The following MMP26 variants were observed in gnomAD, a reference collection of about 807,000 sequenced individuals.
MMP26 encodes matrix metallopeptidase 26.
Under a neutral mutation model 31.0 loss-of-function variants are expected in MMP26, and 33 were observed. The observed-to-expected ratio is 1.06, with a 90% CI of 0.81 to 1.42. The LOEUF (loss-of-function observed/expected upper bound fraction) is 1.42. Among genes scored for constraint, MMP26 ranks in the 40% most tolerant of loss-of-function variants. The pLI is 0.00. For synonymous variants in MMP26, 122 were observed against 114.9 expected (o/e 1.06, Z -0.40); for missense variants, 347 against 316.1 (o/e 1.10, Z -0.74).
chr11:4,826,231 C>T (rs527840053), intron 2 of MMP26, among the ~76,000 whole-genome samples: 4 of 152,030 alleles, frequency 2.6e-5, no homozygotes, highest in African/African-American at 7.2e-5. Flanking sequence ...GATTATTGGG[C>T]GTTGCTGTAC....
intron 2 of MMP26, among the ~76,000 whole-genome samples, chr11:4,974,733 A>AT (rs1846713025): frequency 6.6e-6 from 1 of 152,056 alleles, no homozygotes; most frequent in Admixed American, 6.5e-5. Flanking sequence ...CCTAGGAAGG[A>AT]TTTTTATGTG....
chr11:4,988,590 T>C (rs192926270), intron 3 of MMP26, among the ~76,000 whole-genome samples: 6 of 152,266 alleles, frequency 3.9e-5, no homozygotes, highest in Middle Eastern at 3.4e-3. Flanking sequence ...TAGTCTTCTA[T>C]ATGGCATAGA....
chr11:4,848,739 G>T, intron 2 of MMP26: 1 of 1,614,028 alleles, frequency 6.2e-7, no homozygotes, highest in South Asian at 1.1e-5. Flanking sequence ...GCATCGAAAA[G>T]AAATGGCCAG....
At chr11:4,951,452 G>C (rs1325403249) in intron 2 of MMP26, among the ~76,000 whole-genome samples, 1 of 124,520 alleles carries the variant, frequency 8.0e-6, no homozygotes, top group African/African-American at 2.7e-5. Context: ...TGATTTCTTA[G>C]ATTATCATTT....
chr11:4,859,658 A>T (rs1427297718), intron 2 of MMP26: 6 of 464,104 alleles, frequency 1.3e-5, no homozygotes, highest in Non-Finnish European at 2.7e-5. Flanking sequence ...ATCATTCTTC[A>T]AATTTGCTTG....
At chr11:4,723,804 C>T in intron 1 of MMP26, 1 of 1,571,096 alleles carries the variant, frequency 6.4e-7, no homozygotes, top group Non-Finnish European at 8.7e-7. Flanking sequence ...GCAGGAGGCT[C>T]CACTTGGTCT....
At chr11:4,715,340 T>TAAA (rs58818646) in intron 1 of MMP26, among the ~76,000 whole-genome samples, 22,431 of 144,764 alleles carry the variant, frequency 0.15, 1,970 homozygotes, top group East Asian at 0.31. Context: ...TTTTTTCCTG[T>TAAA]AAAAAAAAAA....
chr11:4,710,764 T>C, intron 1 of MMP26: 1 of 212,662 alleles, frequency 4.7e-6, no homozygotes, highest in South Asian at 8.6e-5. Flanking sequence ...TTAAAATATG[T>C]CTGAAAGCAT....
chr11:4,778,233 A>G (rs1201250120), intron 2 of MMP26, among the ~76,000 whole-genome samples: 3 of 152,006 alleles, frequency 2.0e-5, no homozygotes, highest in East Asian at 1.9e-4. Flanking sequence ...AACATTTGAT[A>G]TATTTTGTGC....
At chr11:4,915,467 A>C (rs1483590252) in intron 2 of MMP26, 5 of 1,614,186 alleles carry the variant, frequency 3.1e-6, no homozygotes, top group Non-Finnish European at 3.4e-6. Context: ...GGACAGGAAG[A>C]GATACATAGG....
At chr11:4,990,267 T>A (rs893874950) in intron 4 of MMP26, among the ~76,000 whole-genome samples, 1 of 152,224 alleles carries the variant, frequency 6.6e-6, no homozygotes, top group Non-Finnish European at 1.5e-5. Context: ...TTAATTTATG[T>A]AGAATGCTGT....
At chr11:4,807,000 T>C (rs1314956264) in intron 2 of MMP26, among the ~76,000 whole-genome samples, 2 of 152,098 alleles carry the variant, frequency 1.3e-5, no homozygotes, top group Non-Finnish European at 2.9e-5. Flanking sequence ...ACCATCCTCA[T>C]TGCTGTACGA....
intron 1 of MMP26, among the ~76,000 whole-genome samples, chr11:4,746,307 GT>G (rs1336377405): frequency 6.6e-6 from 1 of 152,178 alleles, no homozygotes; most frequent in Non-Finnish European, 1.5e-5. Context: ...ACTGGTTAAA[GT>G]TCTTGTAATA....
intron 2 of MMP26, chr11:4,882,571 C>T: frequency 6.2e-7 from 1 of 1,613,954 alleles, no homozygotes. Flanking sequence ...TCCTGATCCT[C>T]CGTACTGTTC....
At chr11:4,733,569 G>A (rs1257021317) in intron 1 of MMP26, among the ~76,000 whole-genome samples, 4 of 152,008 alleles carry the variant, frequency 2.6e-5, no homozygotes, top group African/African-American at 4.8e-5. Flanking sequence ...ATATTTAGTA[G>A]ATTAAAAAAT....
chr11:4,887,407 A>G (rs1466672220), intron 2 of MMP26, among the ~76,000 whole-genome samples: 1 of 152,152 alleles, frequency 6.6e-6, no homozygotes, highest in Non-Finnish European at 1.5e-5. Context: ...ATCCAGAAAC[A>G]TTTATTGACA....
At chr11:4,940,153 G>T (rs1056406525) in intron 2 of MMP26, among the ~76,000 whole-genome samples, 1 of 151,764 alleles carries the variant, frequency 6.6e-6, no homozygotes, top group Admixed American at 6.6e-5. Flanking sequence ...TCTCACTTAG[G>T]TGATTATTTT....
chr11:4,765,183 C>T (rs1848613958), intron 1 of MMP26, among the ~76,000 whole-genome samples: 1 of 152,178 alleles, frequency 6.6e-6, no homozygotes, highest in Non-Finnish European at 1.5e-5. Context: ...ATGTAAGCCA[C>T]ATTGCCCAGG....
chr11:4,936,799 T>C (rs1463452917), intron 2 of MMP26, among the ~76,000 whole-genome samples: 1 of 152,156 alleles, frequency 6.6e-6, no homozygotes, highest in Non-Finnish European at 1.5e-5. Context: ...TTTAAAAATA[T>C]ACCCTTTGTA....
Sources: allele counts gnomAD v4.1 joint callset (sites outside exome capture counted in the v4.1 genomes callset), GRCh38; gene constraint gnomAD v4.1.1; transcripts MANE v1.5; gene names NCBI Gene and HGNC (gene_info 2026-07-23, HGNC 2026-07-21).